CCDC122: variants seen among roughly 807,000 people sequenced by gnomAD.
CCDC122 encodes coiled-coil domain-containing protein 122.
Under a neutral mutation model 37.0 loss-of-function variants are expected in CCDC122, and 38 were observed. That is an observed-to-expected ratio of 1.03 (90% CI 0.79 to 1.35). CCDC122 has a LOEUF of 1.35. Ranked by LOEUF, CCDC122 falls within the 40% of genes most tolerant of loss-of-function variation. CCDC122 has a pLI of 0.00. For synonymous variants in CCDC122, 83 were observed against 95.6 expected (o/e 0.87, Z 0.77); for missense variants, 305 against 310.0 (o/e 0.98, Z 0.12).
chr13:43,824,325 A>G (rs1460845017), intron 3 of CCDC122, among the ~76,000 whole-genome samples: 3 of 152,240 alleles, frequency 2.0e-5, no homozygotes, highest in Non-Finnish European at 4.4e-5. Context: ...TGTAACTAGC[A>G]TGGTGAAAGG....
intron 4 of CCDC122, among the ~76,000 whole-genome samples, chr13:43,864,399 G>C (rs959086551): frequency 1.3e-5 from 2 of 151,948 alleles, no homozygotes; most frequent in African/African-American, 4.8e-5. Context: ...AGGTTTATTT[G>C]GCCCATGATT....
At chr13:43,876,848 T>C in intron 1 of CCDC122, among the ~76,000 whole-genome samples, 1 of 152,210 alleles carries the variant, frequency 6.6e-6, no homozygotes, top group Non-Finnish European at 1.5e-5. Context: ...CGGTGGCTCA[T>C]GCCTGTAATC....
At chr13:43,876,310 G>A (rs1208749177) in intron 1 of CCDC122, among the ~76,000 whole-genome samples, 1 of 152,138 alleles carries the variant, frequency 6.6e-6, no homozygotes, top group African/African-American at 2.4e-5. Context: ...AGTGTAAATG[G>A]CTTAAAAACA....
chr13:43,836,038 C>T (rs1336434167), downstream of CCDC122, among the ~76,000 whole-genome samples: 1 of 152,188 alleles, frequency 6.6e-6, no homozygotes, highest in Non-Finnish European at 1.5e-5. Context: ...ATATCAGCTC[C>T]ACTTACTGAA....
At chr13:43,846,930 T>C (rs1330941775) in intron 6 of CCDC122, among the ~76,000 whole-genome samples, 1 of 152,248 alleles carries the variant, frequency 6.6e-6, no homozygotes, top group Non-Finnish European at 1.5e-5. Flanking sequence ...GTTGTGTTCA[T>C]AGTTACTGAG....
At chr13:43,850,259 C>T (rs945140032) in intron 6 of CCDC122, among the ~76,000 whole-genome samples, 11 of 152,242 alleles carry the variant, frequency 7.2e-5, no homozygotes, top group African/African-American at 2.2e-4. Context: ...TAATACCCAA[C>T]ATGTCCACAT....
intron 6 of CCDC122, among the ~76,000 whole-genome samples, chr13:43,850,518 G>T (rs915080818): frequency 1.3e-5 from 2 of 152,110 alleles, no homozygotes; most frequent in Admixed American, 1.3e-4. Flanking sequence ...AGAACTAAAA[G>T]GTACAATAAC....
downstream of CCDC122, among the ~76,000 whole-genome samples, chr13:43,833,319 A>G (rs17065113): frequency 0.049 from 7,460 of 152,312 alleles, 370 homozygotes; most frequent in African/African-American, 0.12. Context: ...GGATCAGGAC[A>G]GATACTACTG....
intron 6 of CCDC122, among the ~76,000 whole-genome samples, chr13:43,852,760 G>T: frequency 6.6e-6 from 1 of 151,724 alleles, no homozygotes; most frequent in South Asian, 2.1e-4. Flanking sequence ...CACCTACAAA[G>T]GGATACCCAT....
intron 3 of CCDC122, among the ~76,000 whole-genome samples, chr13:43,827,742 T>C (rs1195773872): frequency 6.6e-6 from 1 of 152,210 alleles, no homozygotes; most frequent in East Asian, 1.9e-4. Flanking sequence ...TTGTTACACA[T>C]AGGGGTCCTG....
chr13:43,863,857 T>G (rs1954192004), intron 4 of CCDC122, among the ~76,000 whole-genome samples: 1 of 152,242 alleles, frequency 6.6e-6, no homozygotes, highest in Non-Finnish European at 1.5e-5. Flanking sequence ...AAGAGCAAGT[T>G]TAAAAATTTT....
intron 6 of CCDC122, among the ~76,000 whole-genome samples, chr13:43,851,757 C>G (rs974551629): frequency 6.6e-6 from 1 of 152,188 alleles, no homozygotes; most frequent in East Asian, 1.9e-4. Flanking sequence ...TTGGCACCCC[C>G]AGCACAGTGG....
intron 4 of CCDC122, among the ~76,000 whole-genome samples, chr13:43,863,936 G>T (rs1954194562): frequency 6.6e-6 from 1 of 152,030 alleles, no homozygotes; most frequent in African/African-American, 2.4e-5. Context: ...ACATCAATAA[G>T]TTTTTCTATG....
intron 4 of CCDC122, among the ~76,000 whole-genome samples, chr13:43,865,276 G>C (rs978426786): frequency 6.6e-5 from 10 of 152,130 alleles, no homozygotes; most frequent in Non-Finnish European, 1.0e-4. Context: ...AGAAGTATGG[G>C]TGGCCTGGGA....
At chr13:43,875,706 C>T (rs142717540) in intron 1 of CCDC122, among the ~76,000 whole-genome samples, 1 of 152,306 alleles carries the variant, frequency 6.6e-6, no homozygotes, top group South Asian at 2.1e-4. Flanking sequence ...TAACTGGCAT[C>T]TTCCCTAACT....
intron 2 of CCDC122, among the ~76,000 whole-genome samples, chr13:43,873,410 C>G (rs1490541448): frequency 6.6e-6 from 1 of 152,144 alleles, no homozygotes; most frequent in Admixed American, 6.5e-5. Flanking sequence ...CCTTCATAGT[C>G]TTCTCTATCT....
intron 6 of CCDC122, among the ~76,000 whole-genome samples, chr13:43,840,841 C>T (rs1279187753): frequency 1.3e-5 from 2 of 151,718 alleles, no homozygotes; most frequent in South Asian, 2.1e-4. Context: ...CTGCAATAAA[C>T]ATACATGTGC....
At position 43,869,371 on chromosome 13, in the gene CCDC122, TGAC is replaced by T; in HGVS notation, c.3_5del (p.MetSer1_?2). 6.2e-7 allele frequency: 1 copy of T among 1,607,634 alleles called. No homozygotes were observed. The highest frequency in any genetic ancestry group is 1.1e-5 in the South Asian group (1 of 90,400). On this transcript the variant is annotated start_lost and inframe_deletion, in exon 3 of 7. Coordinates refer to ENST00000444614, the MANE Select transcript of CCDC122 (RefSeq NM_144974.5). ...CTTGACTCTTCCTTTCTTTGTTGTCTGACATTTTCTGTGTCTGTAATCTCTTTT... is the reference window on the plus strand; with the variant it reads ...CTTGACTCTTCCTTTCTTTGTTGTCTATTTTCTGTGTCTGTAATCTCTTTT...
At chr13:43,834,057 TA>T (rs201459268), downstream of CCDC122, among the ~76,000 whole-genome samples, 2,588 of 152,312 alleles carry the variant, frequency 0.017, 65 homozygotes, top group African/African-American at 0.056. Flanking sequence ...AGTTCTTAAT[TA>T]ATCTGAAATT....
Sources: gnomAD v4.1 joint callset for allele counts (sites outside exome capture counted in the v4.1 genomes callset) on GRCh38, gnomAD v4.1.1 for gene constraint, MANE v1.5 for transcripts, NCBI Gene and HGNC (gene_info 2026-07-23, HGNC 2026-07-21) for gene names.